CSMD3: variants seen among roughly 807,000 people sequenced by gnomAD.
CSMD3 encodes the protein CUB and Sushi multiple domains 3.
In CSMD3, 177 loss-of-function variants were observed where a neutral mutation model predicts 435.2. The observed-to-expected ratio is 0.41, with a 90% confidence interval of 0.36 to 0.46. CSMD3 has a LOEUF of 0.46. Among genes scored for constraint, CSMD3 ranks in the 20% least tolerant of loss-of-function variants. The probability of loss-of-function intolerance (pLI) is 0.34; values close to 1 mark genes in which losing one functional copy is unlikely to be tolerated. For missense variants in CSMD3, 4,265 were observed against 4,504.6 expected (o/e 0.95, Z 1.52); for synonymous variants, 1,656 against 1,520.5 (o/e 1.09, Z -2.07).
At chr8:112,578,245 T>C (rs775254719) in intron 23 of CSMD3, among the ~76,000 whole-genome samples, 1 of 151,986 alleles carries the variant, frequency 6.6e-6, no homozygotes, top group Non-Finnish European at 1.5e-5. Context: ...AACAGCTACA[T>C]AATGTATTCT....
chr8:113,363,023 T>TGC (rs1338966900), intron 1 of CSMD3, among the ~76,000 whole-genome samples: 1 of 152,208 alleles, frequency 6.6e-6, no homozygotes, highest in Non-Finnish European at 1.5e-5. Flanking sequence ...TGCTACCATT[T>TGC]TCCTCACAGA....
At chr8:113,272,416 C>A (rs2093535764) in intron 3 of CSMD3, among the ~76,000 whole-genome samples, 1 of 152,130 alleles carries the variant, frequency 6.6e-6, no homozygotes, top group South Asian at 2.1e-4. Flanking sequence ...CCATACTGTT[C>A]TTGTGGTAGT....
At chr8:113,000,195 A>T (rs2085811115) in intron 6 of CSMD3, among the ~76,000 whole-genome samples, 1 of 152,098 alleles carries the variant, frequency 6.6e-6, no homozygotes, top group Non-Finnish European at 1.5e-5. Context: ...AAAGTGTTTC[A>T]AGAAACTGAC....
Position 112,921,741 on chromosome 8 carries a change from T to G in CSMD3, c.1519A>C (p.Thr507Pro). ...TCTTCATCACAAGAGAACTGCACAG[T>G]TGATCCAAGGCTAAAGTTAAATAAA... ...RIGSDFSLGS[T>P]VQFSCDEDYV... The change falls in exon 10 of 71, where the codon ACT becomes CCT. Residue 507 changes from threonine to proline, a missense_variant. Thr to Pro is a conservative substitution (Grantham distance 38, BLOSUM62 -1). Around this residue, in one of 3 missense-constraint regions of CSMD3, gnomAD observed 731 missense variants for 755.4 expected, o/e 0.97. Transcript: ENST00000297405. 4 of 1,608,910 alleles carry G rather than the reference T, an allele frequency of 2.5e-6. No individual in the cohort carries two copies. Among genetic ancestry groups the G allele is most frequent in the Non-Finnish European group, 3.4e-6 (4 of 1,175,600 alleles).
At chr8:112,701,780 G>A (rs1170248579) in intron 13 of CSMD3, among the ~76,000 whole-genome samples, 1 of 152,116 alleles carries the variant, frequency 6.6e-6, no homozygotes, top group African/African-American at 2.4e-5. Context: ...AGCAACCTAA[G>A]TGTTAGACAT....
At position 112,501,028 on chromosome 8, in the gene CSMD3, G is replaced by A. The variant is rs1228819265; in HGVS notation, c.5083+2762C>T. 2.6e-5 allele frequency among the ~76,000 whole-genome samples: 4 copies of A among 152,060 alleles called. No homozygotes were observed. In the South Asian group the frequency reaches 6.2e-4, roughly 24 times the overall value. ...CTCAAGCCTGCCTATAAAATCTGAC[G>A]CAGTCAACAGTGGGCTGGCTTTCCC... On this transcript the variant is annotated intron_variant, in intron 30 of 70. Coordinates refer to ENST00000297405, the MANE Select transcript of CSMD3 (RefSeq NM_198123.2).
At position 112,337,674 on chromosome 8, in the gene CSMD3, C is replaced by T. The variant is rs138248671; in HGVS notation, c.6710G>A (p.Gly2237Asp). 1.2e-3 allele frequency: 1,898 copies of T among 1,613,660 alleles called. 7 individuals are homozygous for T. The highest frequency in any genetic ancestry group is 1.1e-3 in the Non-Finnish European group (1,303 of 1,179,680). Residue 2237 changes from glycine to aspartate, a missense_variant, in exon 43 of 71, where the codon GGT becomes GAT. By Grantham distance (94) the Gly-to-Asp change is moderately conservative. Around this residue, in one of 3 missense-constraint regions of CSMD3, gnomAD observed 3,255 missense variants for 3,380.2 expected, o/e 0.96. Transcript: ENST00000297405. ...PRPFRNGFVI[G>D]NDFTVGQTIS... ...GGTTTGACCCACAGTAAAATCATTA[C>T]CAATTACAAAACCATTTCGAAACGG... is the stretch of plus-strand genomic sequence containing the variant.
chr8:112,461,474 A>C (rs1817441105), intron 32 of CSMD3, among the ~76,000 whole-genome samples: 1 of 152,114 alleles, frequency 6.6e-6, no homozygotes, highest in Non-Finnish European at 1.5e-5. Context: ...TCAACATCTT[A>C]AAGAGAAGAC....
intron 3 of CSMD3, among the ~76,000 whole-genome samples, chr8:113,197,043 C>G (rs886462392): frequency 7.3e-5 from 11 of 151,076 alleles, no homozygotes; most frequent in Non-Finnish European, 1.6e-4. Flanking sequence ...GCCCAGAGTA[C>G]AGGACATAAA....
intron 9 of CSMD3, among the ~76,000 whole-genome samples, chr8:112,924,247 T>C (rs1321286676): frequency 6.6e-6 from 1 of 152,094 alleles, no homozygotes; most frequent in Non-Finnish European, 1.5e-5. Flanking sequence ...AGCAAAGAGT[T>C]TAGTTAACAA....
At position 113,023,745 on chromosome 8, in the gene CSMD3, C is replaced by A. The variant is rs866101351; in HGVS notation, c.918-4566G>T. 2.6e-5 allele frequency among the ~76,000 whole-genome samples: 4 copies of A among 152,130 alleles called. No homozygotes were observed. The South Asian group carries it at 6.2e-4, about 24-fold the overall frequency. The stretch of plus-strand genomic sequence containing the variant: ...TGCCCAATCTCCTTCTCTGTCCTCA[C>A]AGACCACCTGCACATGTTCTCATCA... On this transcript the variant is annotated intron_variant, in intron 5 of 70. Coordinates refer to ENST00000297405, the MANE Select transcript of CSMD3 (RefSeq NM_198123.2).
At position 112,587,237 on chromosome 8, in the gene CSMD3, T is replaced by G; in HGVS notation, c.3716-2A>C. On this transcript the variant is annotated splice_acceptor_variant, in intron 22 of 70. Coordinates refer to ENST00000297405, the MANE Select transcript of CSMD3 (RefSeq NM_198123.2). LOFTEE classifies it high-confidence loss of function. ...TCGTTGCAGATGCACCACATTCAGCTGCAGGTAAAACAGAATATTGAAGTA... is the reference window on the plus strand; with the variant it reads ...TCGTTGCAGATGCACCACATTCAGCGGCAGGTAAAACAGAATATTGAAGTA... 6.2e-7 allele frequency: 1 copy of G among 1,605,850 alleles called. No homozygotes were observed.
intron 53 of CSMD3, among the ~76,000 whole-genome samples, chr8:112,298,316 T>C (rs560174706): frequency 6.6e-6 from 1 of 152,182 alleles, no homozygotes; most frequent in Admixed American, 6.5e-5. Context: ...ATGATTTCAA[T>C]AATTATTATG....
At chr8:112,427,395 C>T (rs773349055) in intron 32 of CSMD3, among the ~76,000 whole-genome samples, 3 of 152,036 alleles carry the variant, frequency 2.0e-5, no homozygotes, top group East Asian at 1.9e-4. Flanking sequence ...TGAGTTCTCA[C>T]GAGATCTGAT....
chr8:112,555,300 A>C (rs1828021121), intron 25 of CSMD3, among the ~76,000 whole-genome samples: 1 of 152,004 alleles, frequency 6.6e-6, no homozygotes, highest in Admixed American at 6.6e-5. Context: ...TTCAACACAC[A>C]TAAAAATATA....
At chr8:112,253,299 C>T (rs1815454220) in intron 63 of CSMD3, among the ~76,000 whole-genome samples, 1 of 151,862 alleles carries the variant, frequency 6.6e-6, no homozygotes, top group South Asian at 2.1e-4. Context: ...TCTCTAAAAA[C>T]ACCAATATAA....
intron 10 of CSMD3, among the ~76,000 whole-genome samples, chr8:112,888,849 G>A (rs2081691317): frequency 6.6e-6 from 1 of 151,584 alleles, no homozygotes; most frequent in African/African-American, 2.4e-5. Context: ...ATGATGAGGT[G>A]CACCTGCATG....
At chr8:113,387,616 T>G (rs948815453) in intron 1 of CSMD3, among the ~76,000 whole-genome samples, 4 of 151,266 alleles carry the variant, frequency 2.6e-5, no homozygotes, top group South Asian at 4.2e-4. Flanking sequence ...AGACAGACTT[T>G]AAAAGGAGAA....
chr8:112,687,737 G>C (rs1027423038), intron 14 of CSMD3, among the ~76,000 whole-genome samples: 1 of 151,992 alleles, frequency 6.6e-6, no homozygotes, highest in African/African-American at 2.4e-5. Context: ...TTGCAGATGT[G>C]TTTGGCTTGA....
Sources: allele counts gnomAD v4.1 joint callset (sites outside exome capture counted in the v4.1 genomes callset), GRCh38; gene constraint gnomAD v4.1.1; regional missense constraint gnomAD v4.1.1; transcripts MANE v1.5; gene names NCBI Gene and HGNC (gene_info 2026-07-23, HGNC 2026-07-21).